The following GRIK3 variants were observed in gnomAD, a reference collection of about 807,000 sequenced individuals.
GRIK3 encodes the protein glutamate ionotropic receptor kainate type subunit 3.
Under a neutral mutation model 102.5 loss-of-function variants are expected in GRIK3, and 29 were observed. The ratio of observed to expected loss-of-function variants is 0.28; its 90% CI spans 0.21 to 0.39. The LOEUF (loss-of-function observed/expected upper bound fraction) is 0.39. GRIK3 is among the 10% of genes least tolerant of loss of function. The pLI is 1.00. For synonymous variants in GRIK3, 511 were observed against 504.9 expected, an observed-to-expected ratio of 1.01 and a Z score of -0.16; for missense variants, 908 against 1,252.4, an observed-to-expected ratio of 0.73 and a Z score of 4.15.
chr1:36,829,643 TA>T (rs1642793941), intron 10 of GRIK3, among the ~76,000 whole-genome samples: 1 of 152,086 alleles, frequency 6.6e-6, no homozygotes. Context: ...TTCATCCCCA[TA>T]AGCAGCTTTC....
chr1:36,961,798 C>A (rs1405263396), intron 1 of GRIK3, among the ~76,000 whole-genome samples: 1 of 152,232 alleles, frequency 6.6e-6, no homozygotes, highest in Admixed American at 6.5e-5. Flanking sequence ...CCCACCTTAT[C>A]AAGAGCCCAG....
intron 1 of GRIK3, among the ~76,000 whole-genome samples, chr1:36,940,513 G>T (rs1457994660): frequency 2.0e-5 from 3 of 152,194 alleles, no homozygotes; most frequent in African/African-American, 7.2e-5. Flanking sequence ...TATTCATGGG[G>T]GACCTGGGTC....
intron 2 of GRIK3, among the ~76,000 whole-genome samples, chr1:36,881,912 T>C (rs941272925): frequency 6.6e-6 from 1 of 152,160 alleles, no homozygotes; most frequent in African/African-American, 2.4e-5. Context: ...TGATGCTCCT[T>C]GAACATGCTA....
At chr1:36,937,291 G>C (rs532944340) in intron 1 of GRIK3, among the ~76,000 whole-genome samples, 5 of 152,326 alleles carry the variant, frequency 3.3e-5, no homozygotes, top group Admixed American at 1.3e-4. Context: ...AGCCCGGTGT[G>C]AATCAGCTTC....
chr1:36,839,370 T>C (rs1026442088), intron 10 of GRIK3, among the ~76,000 whole-genome samples: 2 of 152,148 alleles, frequency 1.3e-5, no homozygotes, highest in African/African-American at 4.8e-5. Flanking sequence ...TTATATTGAA[T>C]TCTATAATCT....
intron 1 of GRIK3, among the ~76,000 whole-genome samples, chr1:36,894,845 T>A (rs1641155036): frequency 6.6e-6 from 1 of 152,220 alleles, no homozygotes; most frequent in Non-Finnish European, 1.5e-5. Context: ...CCCATGTGCT[T>A]CTGGCAGTGG....
intron 1 of GRIK3, among the ~76,000 whole-genome samples, chr1:37,028,903 A>G (rs1642791271): frequency 1.3e-5 from 2 of 152,368 alleles, no homozygotes; most frequent in East Asian, 3.9e-4. Context: ...TTTATTGAGC[A>G]CTTACTATTT....
intron 1 of GRIK3, among the ~76,000 whole-genome samples, chr1:36,940,523 C>T (rs1346807956): frequency 6.6e-6 from 1 of 152,218 alleles, no homozygotes; most frequent in Non-Finnish European, 1.5e-5. Context: ...GGACCTGGGT[C>T]TCTGGAGCAT....
chr1:37,017,181 G>A (rs1277877323), intron 1 of GRIK3, among the ~76,000 whole-genome samples: 1 of 150,406 alleles, frequency 6.6e-6, no homozygotes, highest in South Asian at 2.1e-4. Context: ...CACCACTGCA[G>A]TCCAGCCTGG....
At position 36,981,433 on chromosome 1, in the gene GRIK3, A is replaced by C. The variant is rs553310609; in HGVS notation, c.115+52561T>G. 2.4e-4 allele frequency among the ~76,000 whole-genome samples: 36 copies of C among 152,334 alleles called. No individual in the cohort carries two copies. In the South Asian group the frequency reaches 7.3e-3, roughly 31 times the overall value. On this transcript the variant is annotated intron_variant, in intron 1 of 15. Coordinates refer to ENST00000373091, the MANE Select transcript of GRIK3 (RefSeq NM_000831.4). The stretch of plus-strand genomic sequence containing the variant: ...CCAAGGTCAGGGATGATGGAGGGAC[A>C]GGTAAAGGGAAACTGCCACCATGAG...
Position 36,961,961 on chromosome 1 carries a change from G to A in GRIK3, c.116-70865C>T, listed in dbSNP as rs563324988. On this transcript the variant is annotated intron_variant, in intron 1 of 15. Transcript: ENST00000373091. ...GATGATTCCACATGTGGTGAGAACT[G>A]GTCTAAGAGCCAGAGTCCAGGGTGC... Among the ~76,000 whole-genome samples the A allele has an allele frequency of 3.3e-5, 5 of 152,290 alleles. No homozygotes were observed. In the South Asian group the frequency reaches 1.0e-3, roughly 32 times the overall value.
chr1:36,987,704 C>T (rs932283966), intron 1 of GRIK3, among the ~76,000 whole-genome samples: 6 of 152,098 alleles, frequency 3.9e-5, no homozygotes, highest in Non-Finnish European at 7.3e-5. Context: ...ATGACTGGAA[C>T]GGTGGGTGCA....
intron 1 of GRIK3, among the ~76,000 whole-genome samples, chr1:37,024,241 T>C (rs545671946): frequency 1.8e-4 from 28 of 152,290 alleles, no homozygotes; most frequent in African/African-American, 6.7e-4. Flanking sequence ...GCCTCTTTAG[T>C]CTGAAGAAAT....
intron 1 of GRIK3, among the ~76,000 whole-genome samples, chr1:36,942,935 C>T (rs1326312501): frequency 6.6e-6 from 1 of 152,054 alleles, no homozygotes; most frequent in Non-Finnish European, 1.5e-5. Context: ...TTGCAGACTC[C>T]CCCCACCTTC....
intron 1 of GRIK3, among the ~76,000 whole-genome samples, chr1:37,023,700 C>G (rs927938150): frequency 6.6e-6 from 1 of 152,254 alleles, no homozygotes; most frequent in East Asian, 1.9e-4. Context: ...AGGAAGCATG[C>G]GAGACATCAG....
chr1:36,836,851 G>A (rs1364283117), intron 10 of GRIK3, among the ~76,000 whole-genome samples: 1 of 152,050 alleles, frequency 6.6e-6, no homozygotes, highest in African/African-American at 2.4e-5. Context: ...GGTCTCCGAG[G>A]GTGAAATTTG....
chr1:36,849,289 C>T (rs1366988111), intron 9 of GRIK3, among the ~76,000 whole-genome samples: 3 of 152,178 alleles, frequency 2.0e-5, no homozygotes, highest in African/African-American at 7.2e-5. Context: ...TGGGTGAGAA[C>T]AAGCCCCATC....
rs148195885 is a variant in GRIK3 at position 36,863,714 on chromosome 1, C to T, written c.787-3697G>A. 1.7e-3 allele frequency among the ~76,000 whole-genome samples: 255 copies of T among 152,280 alleles called. 1 individual carries two copies. Among genetic ancestry groups the T allele is most frequent in the African/African-American group, 5.8e-3 (240 of 41,552 alleles). Reference sequence around the variant, plus strand: ...TGATTGCTCCTGTACACATGCACAACAGAGTGCGTCAGACGCGATTCTGCT... The same window carrying T: ...TGATTGCTCCTGTACACATGCACAATAGAGTGCGTCAGACGCGATTCTGCT... On this transcript the variant is annotated intron_variant, in intron 5 of 15. Coordinates refer to ENST00000373091, the MANE Select transcript of GRIK3 (RefSeq NM_000831.4).
chr1:36,969,045 C>T (rs1276838533), intron 1 of GRIK3, among the ~76,000 whole-genome samples: 1 of 152,156 alleles, frequency 6.6e-6, no homozygotes, highest in Non-Finnish European at 1.5e-5. Flanking sequence ...TACCATATGC[C>T]ACCCTCTCTT....
Sources: gnomAD v4.1 joint callset for allele counts (sites outside exome capture counted in the v4.1 genomes callset) on GRCh38, gnomAD v4.1.1 for gene constraint, MANE v1.5 for transcripts, NCBI Gene and HGNC (gene_info 2026-07-23, HGNC 2026-07-21) for gene names.